The following TTC32 variants were observed in gnomAD, a reference collection of about 807,000 sequenced individuals.
TTC32 encodes tetratricopeptide repeat domain 32, also known as tetratricopeptide repeat protein 32.
In TTC32, 16 loss-of-function variants were observed where a neutral mutation model predicts 15.3. The observed-to-expected ratio is 1.05, with a 90% CI of 0.71 to 1.59. The LOEUF is 1.59. Among genes scored for constraint, TTC32 ranks in the 40% most tolerant of loss-of-function variants. TTC32 has a pLI of 0.00. For synonymous variants in TTC32, 89 were observed against 67.8 expected, an observed-to-expected ratio of 1.31 and a Z score of -1.53; for missense variants, 188 against 181.9, an observed-to-expected ratio of 1.03 and a Z score of -0.19.
intron 2 of TTC32, 91 bp downstream of exon 2, chr2:19,897,778 T>A (rs909590071): frequency 1.8e-6 from 2 of 1,085,494 alleles, no homozygotes; most frequent in Admixed American, 5.5e-5. Flanking sequence ...ACTTTAAAAT[T>A]TGATTACCAC....
In TTC32 at chr2:19,901,956, A is replaced by G. The variant is rs2304588; in HGVS notation, c.-102T>C. 139,021 of 1,430,976 alleles carry G rather than the reference A, an allele frequency of 0.097. 8,001 individuals carry two copies. The highest frequency in any genetic ancestry group is 0.21 in the South Asian group (16,064 of 76,810). The allele number at this position is 1,430,976 out of a possible 1,614,324, so 88.6% of individuals were successfully genotyped here. On this transcript the variant is annotated 5_prime_UTR_variant, in exon 1 of 3. Coordinates refer to ENST00000333610, the MANE Select transcript of TTC32 (RefSeq NM_001008237.3). ...TCCACACCCTGGAATCTACCTTGAC[A>G]GCCAACCTTGGCGCTAGGTTTGTGC...
At chr2:19,900,933 ACAAATAAAGAGG>A (rs1222229586) in intron 1 of TTC32, 1 of 334,320 alleles carries the variant, frequency 3.0e-6, no homozygotes, top group Non-Finnish European at 6.3e-6. Flanking sequence ...GGTTTCCTCA[ACAAATAAAGAGG>A]GGAAGGTGGA....
At chr2:19,901,537 T>G (rs1460048450) in intron 1 of TTC32, 169 bp downstream of exon 1, 1 of 884,300 alleles carries the variant, frequency 1.1e-6, no homozygotes, top group South Asian at 2.0e-5. Context: ...GCCCTCGTCC[T>G]AGGCCTCGCC....
intron 1 of TTC32, among the ~76,000 whole-genome samples, chr2:19,899,219 T>C (rs1447422518): frequency 6.6e-6 from 1 of 152,188 alleles, no homozygotes; most frequent in Non-Finnish European, 1.5e-5. Context: ...AGACTGGATG[T>C]AGGGATACTT....
chr2:19,896,852 A>T lies in TTC32; in HGVS notation c.*135T>A. On this transcript the variant is annotated 3_prime_UTR_variant, in exon 3 of 3. Coordinates refer to ENST00000333610, the MANE Select transcript of TTC32 (RefSeq NM_001008237.3). Reference sequence around the variant, plus strand: ...CATTCAACCTGAAATTAACTACCTTAAACACACTATTTAACTTTCAGTGCT... The same window carrying T: ...CATTCAACCTGAAATTAACTACCTTTAACACACTATTTAACTTTCAGTGCT... 1.2e-6 allele frequency: 1 copy of T among 817,618 alleles called. No homozygotes were observed. The highest frequency in any genetic ancestry group is 1.8e-6 in the Non-Finnish European group (1 of 569,692). The allele number at this position is 817,618 out of a possible 1,614,324, so 50.6% of individuals were successfully genotyped here. A position where few individuals can be genotyped will look rare whatever the true frequency, so the allele number is the denominator to read the frequency against.
In TTC32 at chr2:19,896,935, C is replaced by A; in HGVS notation, c.*52G>T. The A allele has an allele frequency of 6.9e-7, 1 of 1,439,150 alleles. No individual in the cohort carries two copies. Among genetic ancestry groups the A allele is most frequent in the South Asian group, 1.4e-5 (1 of 72,410 alleles). 89.1% of individuals were successfully genotyped at this position (1,439,150 alleles called of 1,614,324 possible). ...AGCTCAATATCTAAATTACTGATAA[C>A]TAGATGCAGATGTAAGGATCATGAA... is the stretch of plus-strand genomic sequence containing the variant. On this transcript the variant is annotated 3_prime_UTR_variant, in exon 3 of 3. Coordinates refer to ENST00000333610, the MANE Select transcript of TTC32 (RefSeq NM_001008237.3).
chr2:19,901,773 C>G lies in TTC32; in HGVS notation c.82G>C (p.Glu28Gln). The G allele has an allele frequency of 6.2e-7, 1 of 1,614,178 alleles. No individual in the cohort carries two copies. The highest frequency in any genetic ancestry group is 8.5e-7 in the Non-Finnish European group (1 of 1,180,032). Reference protein sequence around the residue: ...HFNNGEYAEAEALYSAYIRRC... With the variant: ...HFNNGEYAEAQALYSAYIRRC... ...CGAATGTAAGCGGAGTACAGTGCCT[C>G]GGCCTCCGCGTACTCTCCATTGTTG... Residue 28 changes from glutamate to glutamine, a missense_variant, in exon 1 of 3, where the codon GAG becomes CAG. Physicochemically the swap from Glu to Gln is conservative, Grantham distance 29. Coordinates refer to ENST00000333610, the MANE Select transcript of TTC32 (RefSeq NM_001008237.3).
At chr2:19,897,784 A>G (rs1669533537) in intron 2 of TTC32, 85 bp downstream of exon 2, 1 of 1,107,582 alleles carries the variant, frequency 9.0e-7, no homozygotes, top group Admixed American at 2.7e-5. Context: ...AAATTTGATT[A>G]CCACGTTAGT....
chr2:19,898,250 G>A (rs1389939765), intron 1 of TTC32: 2 of 408,656 alleles, frequency 4.9e-6, no homozygotes, highest in Non-Finnish European at 8.7e-6. Flanking sequence ...CCACTGCAAT[G>A]TCAACCTGAA....
chr2:19,897,328 C>A (rs1224807448), intron 2 of TTC32, among the ~76,000 whole-genome samples: 3 of 151,892 alleles, frequency 2.0e-5, no homozygotes, highest in Non-Finnish European at 4.4e-5. Context: ...AATAATACAC[C>A]TAAAATTAGC....
At position 19,901,813 on chromosome 2, in the gene TTC32, G is replaced by T. The variant is rs979695435; in HGVS notation, c.42C>A (p.Leu14=). The T allele has an allele frequency of 2.5e-6, 4 of 1,614,094 alleles. No homozygotes were observed. In the African/African-American group the frequency reaches 5.3e-5, roughly 22 times the overall value. ...CTCCATTGTTGAAATGAGCCTGGGCGAGTGTTAGGGTTGCGTGGCTTTCTT... is the reference window on the plus strand; with the variant it reads ...CTCCATTGTTGAAATGAGCCTGGGCTAGTGTTAGGGTTGCGTGGCTTTCTT... ...QRQESHATLT[L]AQAHFNNGEY... The change falls in exon 1 of 3, where the codon CTC becomes CTA. Residue 14 remains leucine (L), a synonymous_variant. Transcript: ENST00000333610.
intron 1 of TTC32, 118 bp downstream of exon 1, chr2:19,901,588 T>C: frequency 1.5e-6 from 2 of 1,360,920 alleles, no homozygotes; most frequent in Non-Finnish European, 2.0e-6. Flanking sequence ...CGCTCAGTCC[T>C]AGTGCTGGGT....
At chr2:19,898,380 A>G (rs1001831876) in intron 1 of TTC32, 1 of 179,042 alleles carries the variant, frequency 5.6e-6, no homozygotes, top group East Asian at 1.5e-4. Flanking sequence ...ACAGATAAAT[A>G]CTAAGCAAAG....
intron 1 of TTC32, 36 bp downstream of exon 1, chr2:19,901,670 C>T (rs748891076): frequency 2.0e-4 from 321 of 1,597,052 alleles, no homozygotes; most frequent in Non-Finnish European, 2.7e-4. Context: ...CGCCTCCACC[C>T]GGGGTCGCCG....
Position 19,901,753 on chromosome 2 carries a change from G to A in TTC32, c.102C>T (p.Tyr34=), listed in dbSNP as rs779193499. 2 of 1,613,768 alleles carry A rather than the reference G, an allele frequency of 1.2e-6. No homozygotes were observed. The highest frequency in any genetic ancestry group is 2.2e-5 in the East Asian group (1 of 44,846). The part of the protein sequence containing the change: ...YAEAEALYSA[Y]IRRCACAASS... Reference sequence around the variant, plus strand: ...AGGCCGCGCAAGCGCACCGGCGAATGTAAGCGGAGTACAGTGCCTCGGCCT... The same window carrying A: ...AGGCCGCGCAAGCGCACCGGCGAATATAAGCGGAGTACAGTGCCTCGGCCT... The change falls in exon 1 of 3, where the codon TAC becomes TAT. Residue 34 remains tyrosine, a synonymous_variant. Transcript: ENST00000333610.
intron 1 of TTC32, chr2:19,900,889 T>A (rs1156412014): frequency 9.3e-6 from 3 of 323,706 alleles, no homozygotes; most frequent in Non-Finnish European, 1.9e-5. Flanking sequence ...AGTCAGCAAG[T>A]CCAAAACACG....
chr2:19,900,978 T>C (rs1669591675), intron 1 of TTC32: 2 of 431,074 alleles, frequency 4.6e-6, no homozygotes, highest in Non-Finnish European at 9.6e-6. Flanking sequence ...AAAGACTTGA[T>C]GTGTATCCTG....
chr2:19,897,822 A>T, intron 2 of TTC32, 47 bp downstream of exon 2: 1 of 1,374,972 alleles, frequency 7.3e-7, no homozygotes, highest in Non-Finnish European at 9.7e-7. Context: ...CTCTGAAATA[A>T]CAGAATACAG....
At chr2:19,901,308 CCAGGTCG>C in intron 1 of TTC32, 2 of 296,176 alleles carry the variant, frequency 6.8e-6, no homozygotes, top group South Asian at 5.3e-5. Context: ...CCTTCCCTTC[CCAGGTCG>C]CGGATTTCCC....
Sources: gnomAD v4.1 joint callset for allele counts (sites outside exome capture counted in the v4.1 genomes callset) on GRCh38, gnomAD v4.1.1 for gene constraint, MANE v1.5 for transcripts, NCBI Gene and HGNC (gene_info 2026-07-23, HGNC 2026-07-21) for gene names.